The following MUC3A variants were observed in gnomAD, a reference collection of about 807,000 sequenced individuals.
The protein encoded by MUC3A is mucin 3A, cell surface associated.
In MUC3A, 109 loss-of-function variants were observed where a neutral mutation model predicts 109.0. The ratio of observed to expected loss-of-function variants is 1.00; its 90% CI spans 0.86 to 1.17. The LOEUF is 1.17. Ranked by LOEUF, MUC3A falls within the 50% of genes most tolerant of loss-of-function variation. The pLI, the probability that MUC3A is intolerant of heterozygous loss-of-function variation, is 0.00. For missense variants in MUC3A, 3,537 were observed against 2,469.4 expected (o/e 1.43, Z -9.16); for synonymous variants, 1,398 against 981.4 (o/e 1.42, Z -7.93).
chr7:100,953,205 A>G lies in MUC3A; in HGVS notation c.1426A>G (p.Ser476Gly). ...TDLTSTFTVSSSSAMSTSVIP... is the reference protein window; with the variant it reads ...TDLTSTFTVSGSSAMSTSVIP... Reference sequence around the variant, plus strand: ...CCTCACATCAACATTCACGGTTTCCAGTTCCTCAGCAATGTCCACGAGTGT... The same window carrying G: ...CCTCACATCAACATTCACGGTTTCCGGTTCCTCAGCAATGTCCACGAGTGT... The change falls in exon 2 of 12, where the codon AGT becomes GGT. Residue 476 changes from serine to glycine, a missense_variant. Coordinates refer to ENST00000379458, the MANE Select transcript of MUC3A (RefSeq NM_005960.2). 1.7e-6 allele frequency: 1 copy of G among 596,878 alleles called. No individual in the cohort carries two copies. Among genetic ancestry groups the G allele is most frequent in the Non-Finnish European group, 3.0e-6 (1 of 337,144 alleles). The allele number at this position is 596,878 out of a possible 1,614,324, so 37.0% of individuals were successfully genotyped here. A position where few individuals can be genotyped will look rare whatever the true frequency, so the allele number is the denominator to read the frequency against.
chr7:100,962,777 C>G (rs1016196171), intron 3 of MUC3A, among the ~76,000 whole-genome samples: 1 of 145,998 alleles, frequency 6.8e-6, no homozygotes, highest in African/African-American at 2.6e-5. Flanking sequence ...TTCTTTCCTT[C>G]TTTCTTTCTC....
chr7:100,949,682 A>T lies in MUC3A; in HGVS notation c.58A>T (p.Thr20Ser), dbSNP rs558154606. ...GATGCTCAAGGCCTCCCCGTGGGCCACAGGTAAGGGGGAGAGGCGGAAGGG... is the reference window on the plus strand; with the variant it reads ...GATGCTCAAGGCCTCCCCGTGGGCCTCAGGTAAGGGGGAGAGGCGGAAGGG... Reference protein sequence around the residue: ...LWMLKASPWATGTLSTATSIS... With the variant: ...LWMLKASPWASGTLSTATSIS... Residue 20 changes from threonine to serine, a missense_variant, in exon 1 of 12, where the codon ACA (threonine) becomes TCA (serine). Thr to Ser is a moderately conservative substitution (Grantham distance 58, BLOSUM62 1). Coordinates refer to ENST00000379458, the MANE Select transcript of MUC3A (RefSeq NM_005960.2). The T allele has an allele frequency of 4.3e-5, 66 of 1,549,138 alleles. No homozygotes were observed. In the African/African-American group the frequency reaches 8.1e-4, roughly 19 times the overall value.
chr7:100,959,804 T>G lies in MUC3A; in HGVS notation c.8025T>G (p.Thr2675=), dbSNP rs1308864189. The change falls in exon 2 of 12, where the codon ACT becomes ACG. Residue 2675 remains threonine, a synonymous_variant. Transcript: ENST00000379458. ...GTACGTCTACAAATGCAATCTTGAC[T>G]TCTTTTAGTACCATCATCTGGTCCT... The part of the protein sequence containing the change: ...RGSTSTNAIL[T]SFSTIIWSST... 6.3e-7 allele frequency: 1 copy of G among 1,592,026 alleles called. No homozygotes were observed. The highest frequency in any genetic ancestry group is 1.1e-5 in the South Asian group (1 of 89,402).
intron 3 of MUC3A, among the ~76,000 whole-genome samples, chr7:100,961,992 G>A (rs1443172817): frequency 1.4e-4 from 1 of 7,266 alleles, no homozygotes; most frequent in East Asian, 3.6e-3. Flanking sequence ...CAGCACTTTG[G>A]GAGGCCGAGG....
intron 3 of MUC3A, among the ~76,000 whole-genome samples, chr7:100,962,797 T>TTC (rs67170949): frequency 5.7e-4 from 82 of 143,430 alleles, no homozygotes; most frequent in Middle Eastern, 3.4e-3. Context: ...CTTTCTTTCT[T>TTC]TCTCTCTCTC....
At position 100,955,696 on chromosome 7, in the gene MUC3A, C is replaced by T; in HGVS notation, c.3917C>T (p.Ser1306Leu). 2.4e-6 allele frequency: 1 copy of T among 425,058 alleles called. No homozygotes were observed. Among genetic ancestry groups the T allele is most frequent in the Non-Finnish European group, 4.1e-6 (1 of 243,346 alleles). 26.3% of individuals were successfully genotyped at this position (425,058 alleles called of 1,614,324 possible). A position where few individuals can be genotyped will look rare whatever the true frequency, so the allele number is the denominator to read the frequency against. The change falls in exon 2 of 12, where the codon TCA becomes TTA. Residue 1306 changes from serine (S) to leucine (L), a missense_variant. Coordinates refer to ENST00000379458, the MANE Select transcript of MUC3A (RefSeq NM_005960.2). Reference sequence around the variant, plus strand: ...ACCACTCACACAGAGACTATTTCCTCACTTCCAGCCAGCACCAATACAATC... The same window carrying T: ...ACCACTCACACAGAGACTATTTCCTTACTTCCAGCCAGCACCAATACAATC... Reference protein sequence around the residue: ...AGTTHTETISSLPASTNTIHT... With the variant: ...AGTTHTETISLLPASTNTIHT...
chr7:100,954,811 G>T lies in MUC3A; in HGVS notation c.3032G>T (p.Ser1011Ile), dbSNP rs1484446970. The T allele has an allele frequency of 5.7e-6, 2 of 352,636 alleles. No individual in the cohort carries two copies. The highest frequency in any genetic ancestry group is 9.6e-6 in the Non-Finnish European group (2 of 208,072). 21.8% of individuals were successfully genotyped at this position (352,636 alleles called of 1,614,324 possible). A position where few individuals can be genotyped will look rare whatever the true frequency, so the allele number is the denominator to read the frequency against. Residue 1011 changes from serine (S) to isoleucine (I), a missense_variant, in exon 2 of 12, where the codon AGT (serine) becomes ATT (isoleucine). Coordinates refer to ENST00000379458, the MANE Select transcript of MUC3A (RefSeq NM_005960.2). ...TTAMTSPPPV[S>I]SSITPTNTMT... ...GCCATGACTTCTCCTCCCCCCGTCAGTTCTTCAATCACTCCCACCAATACA... is the reference window on the plus strand; with the variant it reads ...GCCATGACTTCTCCTCCCCCCGTCATTTCTTCAATCACTCCCACCAATACA...
rs1001902824 is a variant in MUC3A at position 100,953,127 on chromosome 7, A to G, written c.1348A>G (p.Thr450Ala). The stretch of plus-strand genomic sequence containing the variant: ...AGACATCCCTTTCACAACACCAACA[A>G]CTATCACCCACCATTCTGTGGGCTC... ...STDIPFTTPT[T>A]ITHHSVGSTG... The change falls in exon 2 of 12, where the codon ACT becomes GCT. Residue 450 changes from threonine to alanine, a missense_variant. Coordinates refer to ENST00000379458, the MANE Select transcript of MUC3A (RefSeq NM_005960.2). The G allele has an allele frequency of 6.9e-5, 50 of 729,770 alleles. No individual in the cohort carries two copies. The highest frequency in any genetic ancestry group is 9.4e-5 in the Non-Finnish European group (42 of 444,594). 45.2% of individuals were successfully genotyped at this position (729,770 alleles called of 1,614,324 possible).
At position 100,964,785 on chromosome 7, in the gene MUC3A, G is replaced by T. The variant is rs750731104; in HGVS notation, c.9324G>T (p.Thr3108=). ...GCGAGTATGAGCAGGTGAAGACCAC[G>T]CTGAAGGAGGGGCTGCAGAACGCCA... The part of the protein sequence containing the change: ...LESEYEQVKT[T]LKEGLQNASQ... Residue 3108 remains threonine (T), a synonymous_variant, in exon 6 of 12, where the codon ACG becomes ACT. Coordinates refer to ENST00000379458, the MANE Select transcript of MUC3A (RefSeq NM_005960.2). 6.3e-7 allele frequency: 1 copy of T among 1,598,458 alleles called. No homozygotes were observed.
rs910648698 is a variant in MUC3A, at chr7:100,953,401, C to A, written c.1622C>A (p.Ala541Asp). Residue 541 changes from alanine to aspartate, a missense_variant, in exon 2 of 12, where the codon GCC becomes GAC. Transcript: ENST00000379458. ...TATTCATTTTCATCTTCCATGTCTG[C>A]CAGCAGTGCTGGGACCACTCACACA... ...ATYSFSSSMS[A>D]SSAGTTHTES... 2.1e-5 allele frequency: 11 copies of A among 512,268 alleles called. No homozygotes were observed. Among genetic ancestry groups the A allele is most frequent in the South Asian group, 7.3e-5 (2 of 27,306 alleles). 31.7% of individuals were successfully genotyped at this position (512,268 alleles called of 1,614,324 possible).
chr7:100,966,567 T>C lies in MUC3A; in HGVS notation c.9785+8T>C. The stretch of plus-strand genomic sequence containing the variant: ...CGGCCAGCGCCGAGGCCGGTGAGCG[T>C]GCGGGGGGCGGGGCCGGGGGGCGAG... On this transcript the variant is annotated splice_region_variant and intron_variant, in intron 9 of 11. Transcript: ENST00000379458. 6.8e-7 allele frequency: 1 copy of C among 1,480,596 alleles called. No individual in the cohort carries two copies. Among genetic ancestry groups the C allele is most frequent in the Non-Finnish European group, 8.9e-7 (1 of 1,119,074 alleles). The allele number at this position is 1,480,596 out of a possible 1,614,324, so 91.7% of individuals were successfully genotyped here.
intron 1 of MUC3A, among the ~76,000 whole-genome samples, chr7:100,951,000 T>TTTTTTGTTTTTGTTTTTGTTTTTG (rs58465763): frequency 1.4e-5 from 2 of 142,596 alleles, no homozygotes; most frequent in African/African-American, 5.3e-5. Context: ...CTCTGGGCAG[T>TTTTTTGTTTTTGTTTTTGTTTTTG]TTTTTGTTTT....
At position 100,966,703 on chromosome 7, in the gene MUC3A, G is replaced by A. The variant is rs747333671; in HGVS notation, c.9837G>A (p.Val3279=). 1.3e-6 allele frequency: 2 copies of A among 1,598,552 alleles called. No individual in the cohort carries two copies. Among genetic ancestry groups the A allele is most frequent in the Non-Finnish European group, 8.5e-7 (1 of 1,179,832 alleles). ...TCGAGACCTGGGATGAGGAAGTCGT[G>A]GGCACTTTTTCAAACTGGGGTTTCG... ...KWFETWDEEV[V]GTFSNWGFED... Residue 3279 remains valine (V), a synonymous_variant, in exon 10 of 12, where the codon GTG becomes GTA. Transcript: ENST00000379458.
At position 100,966,473 on chromosome 7, in the gene MUC3A, C is replaced by A; in HGVS notation, c.9699C>A (p.Ala3233=). ...GGGCGCTGGTCGGGGGCCTGACGGC[C>A]GGCGCCGCGCTGCTGGTGCTGCTGC... ...HWRALVGGLT[A]GAALLVLLLL... Residue 3233 remains alanine, a synonymous_variant, in exon 9 of 12, where the codon GCC becomes GCA. Transcript: ENST00000379458. 1.5e-6 allele frequency: 2 copies of A among 1,327,690 alleles called. No individual in the cohort carries two copies. The highest frequency in any genetic ancestry group is 1.9e-6 in the Non-Finnish European group (2 of 1,047,396). The allele number at this position is 1,327,690 out of a possible 1,614,324, so 82.2% of individuals were successfully genotyped here.
rs1327440683 is a variant in MUC3A at position 100,957,568 on chromosome 7, C to A, written c.5789C>A (p.Thr1930Asn). 7.0e-6 allele frequency: 10 copies of A among 1,433,480 alleles called. No homozygotes were observed. Among genetic ancestry groups the A allele is most frequent in the Non-Finnish European group, 8.2e-6 (9 of 1,098,162 alleles). The allele number at this position is 1,433,480 out of a possible 1,614,324, so 88.8% of individuals were successfully genotyped here. Residue 1930 changes from threonine to asparagine, a missense_variant, in exon 2 of 12, where the codon ACT (threonine) becomes AAT (asparagine). Thr to Asn is a moderately conservative substitution (Grantham distance 65). Coordinates refer to ENST00000379458, the MANE Select transcript of MUC3A (RefSeq NM_005960.2). ...STPRFTSSIT[T>N]TETPSHSTPR... Reference sequence around the variant, plus strand: ...CCCAGATTCACTTCTTCAATCACCACTACCGAGACCCCCTCACACAGTACT... The same window carrying A: ...CCCAGATTCACTTCTTCAATCACCAATACCGAGACCCCCTCACACAGTACT...
intron 6 of MUC3A, 175 bp from the exon 7 acceptor site, chr7:100,965,107 T>TATGG: frequency 9.2e-7 from 1 of 1,085,608 alleles, no homozygotes; most frequent in Non-Finnish European, 1.3e-6. Context: ...TCAGGGGAGA[T>TATGG]GAGGCAGGCA....
Position 100,957,513 on chromosome 7 carries a change from G to T in MUC3A, c.5734G>T (p.Ala1912Ser), listed in dbSNP as rs961958322. Residue 1912 changes from alanine (A) to serine (S), a missense_variant, in exon 2 of 12, where the codon GCA becomes TCA. Physicochemically the swap from Ala to Ser is moderately conservative, Grantham distance 99. Coordinates refer to ENST00000379458, the MANE Select transcript of MUC3A (RefSeq NM_005960.2). ...TACTCCTAGCTTCACTTCTTCAATC[G>T]CAACCACCGAGACCCCCTCACACAG... ...HSTPSFTSSI[A>S]TTETPSHSTP... 2 of 1,066,952 alleles carry T rather than the reference G, an allele frequency of 1.9e-6. No homozygotes were observed. The highest frequency in any genetic ancestry group is 3.9e-5 in the East Asian group (1 of 25,922). The allele number at this position is 1,066,952 out of a possible 1,614,324, so 66.1% of individuals were successfully genotyped here. A position where few individuals can be genotyped will look rare whatever the true frequency, so the allele number is the denominator to read the frequency against.
Position 100,952,855 on chromosome 7 carries a change from G to C in MUC3A, c.1076G>C (p.Gly359Ala). 7 of 1,537,454 alleles carry C rather than the reference G, an allele frequency of 4.6e-6. No homozygotes were observed. Among genetic ancestry groups the C allele is most frequent in the Non-Finnish European group, 6.1e-6 (7 of 1,147,998 alleles). Residue 359 changes from glycine to alanine, a missense_variant, in exon 2 of 12, where the codon GGT becomes GCT. Physicochemically the swap from Gly to Ala is moderately conservative, Grantham distance 60 (BLOSUM62 0). Transcript: ENST00000379458. Reference sequence around the variant, plus strand: ...ATCGCCTACTCCACAAGTATGACAGGTACATTGTCCACAGAGACTTCTCTC... The same window carrying C: ...ATCGCCTACTCCACAAGTATGACAGCTACATTGTCCACAGAGACTTCTCTC... Reference protein sequence around the residue: ...TKIAYSTSMTGTLSTETSLPP... With the variant: ...TKIAYSTSMTATLSTETSLPP...
At chr7:100,966,856 C>CCTCCCT (rs1792592591) in intron 10 of MUC3A, 43 bp from the exon 11 acceptor site, 1 of 1,598,452 alleles carries the variant, frequency 6.3e-7, no homozygotes, top group Non-Finnish European at 8.5e-7. Context: ...CCTTCCGTCC[C>CCTCCCT]CTCCCTCTCC....
Sources: allele counts gnomAD v4.1 joint callset (sites outside exome capture counted in the v4.1 genomes callset), GRCh38; gene constraint gnomAD v4.1.1; transcripts MANE v1.5; gene names NCBI Gene and HGNC (gene_info 2026-07-23, HGNC 2026-07-21).